Variants in TMEM132B observed in about 807,000 individuals in gnomAD.
TMEM132B encodes the protein transmembrane protein 132B.
In TMEM132B, 18 loss-of-function variants were observed where a neutral mutation model predicts 90.8. The ratio of observed to expected loss-of-function variants is 0.20; its 90% CI spans 0.14 to 0.29. TMEM132B has a LOEUF of 0.29. Among genes scored for constraint, TMEM132B ranks in the 10% least tolerant of loss-of-function variants. The pLI is 1.00. For missense variants in TMEM132B, 1,096 were observed against 1,326.8 expected, an observed-to-expected ratio of 0.83 and a Z score of 2.70; for synonymous variants, 504 against 523.3, an observed-to-expected ratio of 0.96 and a Z score of 0.50.
intron 5 of TMEM132B, among the ~76,000 whole-genome samples, chr12:125,637,450 A>T (rs975617393): frequency 1.3e-5 from 2 of 152,198 alleles, no homozygotes; most frequent in African/African-American, 4.8e-5. Context: ...GGTCCTGAAG[A>T]CATGTGCCCA....
chr12:125,442,865 G>C (rs144309538), intron 3 of TMEM132B, among the ~76,000 whole-genome samples: 100 of 152,346 alleles, frequency 6.6e-4, no homozygotes, highest in African/African-American at 2.3e-3. Context: ...ATACTGAGCA[G>C]GTTAAATGAA....
chr12:125,282,267 C>T (rs1199740550), intron 1 of TMEM132B, among the ~76,000 whole-genome samples: 10 of 152,100 alleles, frequency 6.6e-5, no homozygotes, highest in Admixed American at 6.6e-4. Context: ...ATGCTGGATG[C>T]CGTGTGCTGC....
intron 2 of TMEM132B, among the ~76,000 whole-genome samples, chr12:125,373,341 G>GTA (rs1878359956): frequency 6.6e-6 from 1 of 152,170 alleles, no homozygotes; most frequent in Non-Finnish European, 1.5e-5. Flanking sequence ...AAATGTGACC[G>GTA]TATTTGGATA....
rs145121633 is a variant in TMEM132B, at chr12:125,511,949, G to A, written c.1107-7490G>A. On this transcript the variant is annotated intron_variant, in intron 3 of 8. Transcript: ENST00000682704. ...GAAGTGTCCCTCATCCAGTTGAGGT[G>A]AGGGTTCACCACCAAGTCCAGCCCA... Among the ~76,000 whole-genome samples, 15 of 152,114 alleles carry A rather than the reference G, an allele frequency of 9.9e-5. No individual in the cohort carries two copies. In the East Asian group the frequency reaches 2.9e-3, roughly 29 times the overall value.
At chr12:125,320,361 A>C (rs1403557326) in intron 1 of TMEM132B, among the ~76,000 whole-genome samples, 4 of 152,232 alleles carry the variant, frequency 2.6e-5, no homozygotes. Context: ...TATCGCTCTT[A>C]TTATAGCTGA....
chr12:125,265,048 A>G (rs1874654644), intron 1 of TMEM132B, among the ~76,000 whole-genome samples: 2 of 152,374 alleles, frequency 1.3e-5, no homozygotes, highest in South Asian at 2.1e-4. Context: ...ATTAACCTGT[A>G]CAGCTTGTTA....
At chr12:125,630,962 G>T (rs74807943) in intron 5 of TMEM132B, among the ~76,000 whole-genome samples, 2,576 of 152,004 alleles carry the variant, frequency 0.017, 96 homozygotes, top group African/African-American at 0.059. Flanking sequence ...TTGATCTTTT[G>T]TATTGTTTTA....
In TMEM132B at chr12:125,415,040, T is replaced by C. The variant is rs886418967; in HGVS notation, c.960-491T>C. On this transcript the variant is annotated intron_variant, in intron 2 of 8. Coordinates refer to ENST00000682704, the MANE Select transcript of TMEM132B (RefSeq NM_001366854.1). The surrounding 1 kb of genome is among the most constrained non-coding windows in gnomAD (Gnocchi z 5.3). ...ATGCCACATTTGTTCTTCAAACACC[T>C]GAGGACTGGGTGCTCCCGTCCATTC... 6.6e-6 allele frequency among the ~76,000 whole-genome samples: 1 copy of C among 152,188 alleles called. No individual in the cohort carries two copies. Among genetic ancestry groups the C allele is most frequent in the African/African-American group, 2.4e-5 (1 of 41,444 alleles).
chr12:125,646,374 C>T (rs566922661), intron 6 of TMEM132B, among the ~76,000 whole-genome samples: 1 of 152,326 alleles, frequency 6.6e-6, no homozygotes, highest in Non-Finnish European at 1.5e-5. Context: ...TATTTCCAGA[C>T]AGCAAATGAT....
intron 1 of TMEM132B, among the ~76,000 whole-genome samples, chr12:125,326,253 T>C (rs1376898541): frequency 6.6e-6 from 1 of 152,226 alleles, no homozygotes; most frequent in East Asian, 1.9e-4. Flanking sequence ...AAAAGAACTC[T>C]GAGGAGCTCA....
intron 3 of TMEM132B, among the ~76,000 whole-genome samples, chr12:125,517,984 C>G (rs181691881): frequency 8.0e-4 from 122 of 152,238 alleles, no homozygotes; most frequent in Non-Finnish European, 1.5e-3. Flanking sequence ...ACGTAAATGG[C>G]CATTTGTGGC....
intron 2 of TMEM132B, among the ~76,000 whole-genome samples, chr12:125,387,839 G>A (rs751851165): frequency 6.6e-6 from 1 of 152,168 alleles, no homozygotes; most frequent in African/African-American, 2.4e-5. Context: ...AAAAGGCAAT[G>A]TAAAGAATTC....
chr12:125,211,945 G>A (rs1873328466), intron 1 of TMEM132B, among the ~76,000 whole-genome samples: 1 of 152,180 alleles, frequency 6.6e-6, no homozygotes, highest in South Asian at 2.1e-4. Context: ...GGGCACTAAT[G>A]GCTTGGAAGG....
Position 125,534,638 on chromosome 12 carries a change from G to A in TMEM132B, c.1293+15013G>A, listed in dbSNP as rs114174679. Among the ~76,000 whole-genome samples the A allele has an allele frequency of 3.0e-3, 461 of 151,870 alleles. 3 individuals are homozygous for A. The highest frequency in any genetic ancestry group is 0.011 in the African/African-American group (438 of 41,394). On this transcript the variant is annotated intron_variant, in intron 4 of 8. Coordinates refer to ENST00000682704, the MANE Select transcript of TMEM132B (RefSeq NM_001366854.1). The stretch of plus-strand genomic sequence containing the variant: ...AAAGGTTTATGGTAAAAACAAGTCA[G>A]TGATTAGAGTCATTATTTTTATTAT...
At chr12:125,642,800 G>A (rs1886663166) in intron 5 of TMEM132B, among the ~76,000 whole-genome samples, 1 of 152,208 alleles carries the variant, frequency 6.6e-6, no homozygotes, top group African/African-American at 2.4e-5. Flanking sequence ...CCATCCCTGT[G>A]ACTGGGGATG....
intron 2 of TMEM132B, among the ~76,000 whole-genome samples, chr12:125,404,072 A>G (rs1879395954): frequency 6.6e-6 from 1 of 152,196 alleles, no homozygotes. Context: ...ATGAGAGCTG[A>G]ACAGGGTCCA....
intron 2 of TMEM132B, among the ~76,000 whole-genome samples, chr12:125,369,501 G>A (rs1315072361): frequency 2.0e-5 from 3 of 152,130 alleles, no homozygotes; most frequent in Non-Finnish European, 2.9e-5. Flanking sequence ...TAAAAATCAT[G>A]AGAAGAAAAA....
chr12:125,350,061 T>A lies in TMEM132B; in HGVS notation c.677T>A (p.Leu226His). ...ACCACGATGGAGCTCTTCTTCACGC[T>A]CTACCCAGCTGACAAGGCTGGCCAG... ...GGTTMELFFTLYPADKAGQCP... is the reference protein window; with the variant it reads ...GGTTMELFFTHYPADKAGQCP... Residue 226 changes from leucine to histidine, a missense_variant, in exon 2 of 9, where the codon CTC becomes CAC. Coordinates refer to ENST00000682704, the MANE Select transcript of TMEM132B (RefSeq NM_001366854.1). 6.2e-7 allele frequency: 1 copy of A among 1,614,196 alleles called. No individual in the cohort carries two copies. The highest frequency in any genetic ancestry group is 8.5e-7 in the Non-Finnish European group (1 of 1,180,036).
intron 1 of TMEM132B, among the ~76,000 whole-genome samples, chr12:125,208,003 G>A (rs540208996): frequency 3.9e-5 from 6 of 152,260 alleles, no homozygotes; most frequent in Admixed American, 2.0e-4. Flanking sequence ...ATGGCTACCC[G>A]TGGCTAGCTA....
Sources: allele counts gnomAD v4.1 joint callset (sites outside exome capture counted in the v4.1 genomes callset), GRCh38; gene constraint gnomAD v4.1.1; non-coding constraint Gnocchi (gnomAD v3.1); transcripts MANE v1.5; gene names NCBI Gene and HGNC (gene_info 2026-07-23, HGNC 2026-07-21).